Variants in DAAM1 observed in about 807,000 individuals in gnomAD.
DAAM1 encodes disheveled-associated activator of morphogenesis 1.
Under a neutral mutation model 130.0 loss-of-function variants are expected in DAAM1, and 52 were observed. That is an observed-to-expected ratio of 0.40 (90% CI 0.32 to 0.50). The LOEUF (loss-of-function observed/expected upper bound fraction) is 0.50, where lower values mean the gene tolerates loss of function less well. Among genes scored for constraint, DAAM1 ranks in the 20% least tolerant of loss-of-function variants. The pLI is 0.61. For missense variants in DAAM1, 1,134 were observed against 1,303.8 expected (o/e 0.87, Z 2.01); for synonymous variants, 452 against 444.5 (o/e 1.02, Z -0.21).
At chr14:59,331,035 A>C (rs1337579904) in intron 13 of DAAM1, among the ~76,000 whole-genome samples, 174 bp from the exon 14 acceptor site, 2 of 152,170 alleles carry the variant, frequency 1.3e-5, no homozygotes, top group Non-Finnish European at 2.9e-5. Flanking sequence ...AGGTTGATGC[A>C]CTGGAGTCCA....
chr14:59,189,007 C>A lies in DAAM1; in HGVS notation c.-38+239C>A, dbSNP rs1031360377. Among the ~76,000 whole-genome samples, 4 of 152,352 alleles carry A rather than the reference C, an allele frequency of 2.6e-5. No individual in the cohort carries two copies. In the South Asian group the frequency reaches 8.3e-4, roughly 32 times the overall value. On this transcript the variant is annotated intron_variant, in intron 1 of 24. Transcript: ENST00000360909. Reference sequence around the variant, plus strand: ...CTAGCTGGGGGTGGGAAAATGGCTGCAGCGCAACGCAAACCGAGGCAGCAG... The same window carrying A: ...CTAGCTGGGGGTGGGAAAATGGCTGAAGCGCAACGCAAACCGAGGCAGCAG...
chr14:59,268,448 A>T (rs1882561667), intron 2 of DAAM1, among the ~76,000 whole-genome samples: 1 of 152,214 alleles, frequency 6.6e-6, no homozygotes, highest in Non-Finnish European at 1.5e-5. Flanking sequence ...ACCATTTTAC[A>T]TCTCCACCAG....
At chr14:59,364,461 C>T (rs939304596) in intron 23 of DAAM1, among the ~76,000 whole-genome samples, 1 of 152,232 alleles carries the variant, frequency 6.6e-6, no homozygotes, top group Admixed American at 6.5e-5. Flanking sequence ...CCTCACTCCT[C>T]TCTATCTCAG....
intron 12 of DAAM1, among the ~76,000 whole-genome samples, chr14:59,329,936 A>C (rs1292013216): frequency 6.6e-6 from 1 of 152,236 alleles, no homozygotes; most frequent in Non-Finnish European, 1.5e-5. Context: ...AAATACTTCA[A>C]GTAGCCTTCT....
chr14:59,348,327 C>T lies in DAAM1; in HGVS notation c.2160+704C>T, dbSNP rs552429523. Among the ~76,000 whole-genome samples, 3 of 151,744 alleles carry T rather than the reference C, an allele frequency of 2.0e-5. No homozygotes were observed. In the East Asian group the frequency reaches 5.8e-4, roughly 29 times the overall value. The stretch of plus-strand genomic sequence containing the variant: ...CTATAGCATTTCTTTGTAGCCTCTC[C>T]AACGGGATCATGGGCTGTTTGGCAT... On this transcript the variant is annotated intron_variant, in intron 17 of 24. Transcript: ENST00000360909.
intron 3 of DAAM1, among the ~76,000 whole-genome samples, chr14:59,309,335 G>A (rs1594813475): frequency 6.6e-6 from 1 of 152,214 alleles, no homozygotes; most frequent in African/African-American, 2.4e-5. Flanking sequence ...AGGCATGGTA[G>A]GTCACTGCTT....
intron 14 of DAAM1, 112 bp downstream of exon 14, chr14:59,331,620 GAC>G (rs1885445747): frequency 6.6e-7 from 1 of 1,510,912 alleles, no homozygotes; most frequent in Non-Finnish European, 8.8e-7. Context: ...TTCTAATGTG[GAC>G]CAAGAGTTCT....
At chr14:59,289,784 A>ATATATATATATATATACAC in intron 2 of DAAM1, among the ~76,000 whole-genome samples, 2 of 128,714 alleles carry the variant, frequency 1.6e-5, no homozygotes, top group Admixed American at 7.5e-5. Context: ...ATATATATAT[A>ATATATATATATATATACAC]ATGGAATGCT....
In DAAM1 at chr14:59,263,626, T is replaced by C. The variant is rs1882287415; in HGVS notation, c.149T>C (p.Val50Ala). Residue 50 changes from valine (V) to alanine (A), a missense_variant, in exon 2 of 25, where the codon GTG becomes GCG. Around this residue, in one of 3 missense-constraint regions of DAAM1, gnomAD observed 99 missense variants for 86.4 expected, o/e 1.15. Coordinates refer to ENST00000360909, the MANE Select transcript of DAAM1 (RefSeq NM_001270520.2). ...TMEPALPMPP[V>A]EELDVMFSEL... Reference sequence around the variant, plus strand: ...GAACCAGCATTGCCCATGCCCCCTGTGGAGGAGCTGGATGTCATGTTCAGT... The same window carrying C: ...GAACCAGCATTGCCCATGCCCCCTGCGGAGGAGCTGGATGTCATGTTCAGT... The C allele has an allele frequency of 2.5e-6, 4 of 1,614,038 alleles. No individual in the cohort carries two copies. The African/African-American group carries it at 5.3e-5, about 22-fold the overall frequency.
intron 16 of DAAM1, among the ~76,000 whole-genome samples, chr14:59,346,545 T>C (rs969572498): frequency 6.6e-6 from 1 of 152,062 alleles, no homozygotes; most frequent in Non-Finnish European, 1.5e-5. Flanking sequence ...GGTGGGAGGA[T>C]TACTTGAGGC....
intron 20 of DAAM1, among the ~76,000 whole-genome samples, chr14:59,358,670 C>T (rs1886581414): frequency 6.6e-6 from 1 of 152,028 alleles, no homozygotes; most frequent in Non-Finnish European, 1.5e-5. Context: ...TGGTGAAACC[C>T]TGTCTCTACT....
intron 1 of DAAM1, among the ~76,000 whole-genome samples, chr14:59,220,425 G>C (rs893343104): frequency 6.6e-6 from 1 of 152,138 alleles, no homozygotes; most frequent in South Asian, 2.1e-4. Context: ...TTCTGTATTA[G>C]AAATAAGTTT....
At chr14:59,334,688 AGT>A (rs1483020518) in intron 15 of DAAM1, among the ~76,000 whole-genome samples, 4 of 152,198 alleles carry the variant, frequency 2.6e-5, no homozygotes, top group African/African-American at 9.6e-5. Context: ...TACAAACATA[AGT>A]GTATATGCAC....
chr14:59,350,811 T>C (rs1886263258), intron 17 of DAAM1, among the ~76,000 whole-genome samples: 1 of 152,160 alleles, frequency 6.6e-6, no homozygotes, highest in Non-Finnish European at 1.5e-5. Context: ...GGTTTTTCCT[T>C]TTCTTGTCCT....
rs369168787 is a variant in DAAM1, at chr14:59,360,784, C to T, written c.2634-18C>T. Reference sequence around the variant, plus strand: ...GTAAGTCACATGTTGATTGCTAAAACATTGCTATTTACAACAGCATGACTG... The same window carrying T: ...GTAAGTCACATGTTGATTGCTAAAATATTGCTATTTACAACAGCATGACTG... On this transcript the variant is annotated intron_variant, in intron 21 of 24. Transcript: ENST00000360909. 1 of 1,610,880 alleles carries T rather than the reference C, an allele frequency of 6.2e-7. No individual in the cohort carries two copies. Among genetic ancestry groups the T allele is most frequent in the Non-Finnish European group, 8.5e-7 (1 of 1,178,424 alleles).
At position 59,263,692 on chromosome 14, in the gene DAAM1, G is replaced by T. The variant is rs774103709; in HGVS notation, c.183+32G>T. 1.9e-6 allele frequency: 3 copies of T among 1,601,256 alleles called. No individual in the cohort carries two copies. The Admixed American group carries it at 5.1e-5, about 27-fold the overall frequency. On this transcript the variant is annotated intron_variant, in intron 2 of 24. Transcript: ENST00000360909. ...CCCAGTTTTCTATCCTGGCATTGGTGGGGAGCCAGAGAAGGAGAAGAGGAG... is the reference window on the plus strand; with the variant it reads ...CCCAGTTTTCTATCCTGGCATTGGTTGGGAGCCAGAGAAGGAGAAGAGGAG...
At chr14:59,215,449 T>G (rs1396419023) in intron 1 of DAAM1, among the ~76,000 whole-genome samples, 2 of 152,312 alleles carry the variant, frequency 1.3e-5, no homozygotes, top group East Asian at 3.9e-4. Flanking sequence ...AGTCAGTGTT[T>G]GGAAAAGAAG....
chr14:59,203,521 C>A (rs533394440), intron 1 of DAAM1, among the ~76,000 whole-genome samples: 4 of 152,230 alleles, frequency 2.6e-5, no homozygotes, highest in African/African-American at 9.6e-5. Flanking sequence ...CATTTGTTAT[C>A]TTCATGTACA....
intron 1 of DAAM1, among the ~76,000 whole-genome samples, chr14:59,214,108 C>T (rs147095488): frequency 6.2e-4 from 94 of 152,284 alleles, no homozygotes; most frequent in African/African-American, 2.0e-3. Context: ...ACTGTGATTC[C>T]GAGGATCTTT....
Sources: gnomAD v4.1 joint callset for allele counts (sites outside exome capture counted in the v4.1 genomes callset) on GRCh38, gnomAD v4.1.1 for gene constraint, gnomAD v4.1.1 regional missense constraint, MANE v1.5 for transcripts, NCBI Gene and HGNC (gene_info 2026-07-23, HGNC 2026-07-21) for gene names.